The following LINGO2 variants were observed in gnomAD, a reference collection of about 807,000 sequenced individuals.
LINGO2 encodes leucine-rich repeat and immunoglobulin-like domain-containing nogo receptor-interacting protein 2.
In LINGO2, 14 loss-of-function variants were observed where a neutral mutation model predicts 30.6. That is an observed-to-expected ratio of 0.46 (90% CI 0.30 to 0.72). The LOEUF (loss-of-function observed/expected upper bound fraction) is 0.72. Ranked by LOEUF, LINGO2 falls within the 30% of genes least tolerant of loss-of-function variation. LINGO2 has a pLI of 0.07. For synonymous variants in LINGO2, 317 were observed against 288.5 expected, an observed-to-expected ratio of 1.10 and a Z score of -1.00; for missense variants, 729 against 751.7, an observed-to-expected ratio of 0.97 and a Z score of 0.35.
chr9:28,953,805 A>C, the LINGO2 span, among the ~76,000 whole-genome samples: 1 of 152,128 alleles, frequency 6.6e-6, no homozygotes, highest in East Asian at 1.9e-4. Context: ...ATCAGTTACA[A>C]TATAAAATCT....
At chr9:27,981,065 T>G (rs1820830453) in intron 5 of LINGO2, among the ~76,000 whole-genome samples, 1 of 151,830 alleles carries the variant, frequency 6.6e-6, no homozygotes, top group South Asian at 2.1e-4. Flanking sequence ...CTGATGAGTA[T>G]GTATTTGTAC....
the LINGO2 span, among the ~76,000 whole-genome samples, chr9:29,128,072 T>C: frequency 3.4e-3 from 512 of 152,136 alleles, 2 homozygotes; most frequent in African/African-American, 0.011. Flanking sequence ...TATCAAATTA[T>C]AAGGATGATA....
At chr9:28,019,175 T>C (rs1031006217) in intron 4 of LINGO2, among the ~76,000 whole-genome samples, 4 of 152,090 alleles carry the variant, frequency 2.6e-5, no homozygotes, top group East Asian at 1.9e-4. Context: ...TTGGGTACTA[T>C]GCTTTTACCT....
rs143586776 is a variant in LINGO2 at position 28,603,887 on chromosome 9, T to C, written c.-365+66313A>G. ...ATTTTTATTGAAGTATTGAATGTAA[T>C]TGAGACTCGTCTGCTTAGACTCACC... On this transcript the variant is annotated intron_variant, in intron 1 of 5. Coordinates refer to ENST00000379992, the Ensembl canonical transcript of LINGO2. 5.6e-3 allele frequency among the ~76,000 whole-genome samples: 852 copies of C among 152,154 alleles called. 10 individuals are homozygous for C. Among genetic ancestry groups the C allele is most frequent in the African/African-American group, 0.02 (822 of 41,550 alleles).
intron 2 of LINGO2, among the ~76,000 whole-genome samples, chr9:28,403,027 G>C (rs1234239542): frequency 6.6e-6 from 1 of 152,036 alleles, no homozygotes; most frequent in East Asian, 1.9e-4. Flanking sequence ...ACCCTATCTA[G>C]GGTTTTTGTG....
chr9:28,735,056 G>A, the LINGO2 span, among the ~76,000 whole-genome samples: 1 of 151,988 alleles, frequency 6.6e-6, no homozygotes. Context: ...TTGTACTTCT[G>A]ATTTTTTTAT....
chr9:27,999,316 G>C (rs1021960286), intron 5 of LINGO2, among the ~76,000 whole-genome samples: 3 of 152,138 alleles, frequency 2.0e-5, no homozygotes. Flanking sequence ...CTGGGTAAGA[G>C]ACTCAGGTGG....
the LINGO2 span, among the ~76,000 whole-genome samples, chr9:28,745,078 C>A: frequency 6.6e-6 from 1 of 151,982 alleles, no homozygotes; most frequent in Non-Finnish European, 1.5e-5. Flanking sequence ...TATCCTTGCC[C>A]ATGTTCAACC....
chr9:27,999,514 G>T (rs1205407762), intron 5 of LINGO2, among the ~76,000 whole-genome samples: 1 of 151,788 alleles, frequency 6.6e-6, no homozygotes, highest in Non-Finnish European at 1.5e-5. Flanking sequence ...CTTATGTAGG[G>T]AGTGTGATAG....
the LINGO2 span, among the ~76,000 whole-genome samples, chr9:28,892,648 A>C: frequency 2.7e-3 from 411 of 152,106 alleles, 2 homozygotes; most frequent in African/African-American, 9.3e-3. Context: ...AAATGATTAT[A>C]CCAACACAAA....
Position 28,627,310 on chromosome 9 carries a change from T to C in LINGO2, c.-365+42890A>G, listed in dbSNP as rs926529271. Among the ~76,000 whole-genome samples, 13 of 152,064 alleles carry C rather than the reference T, an allele frequency of 8.5e-5. No individual in the cohort carries two copies. The East Asian group carries it at 1.3e-3, about 16-fold the overall frequency. On this transcript the variant is annotated intron_variant, in intron 1 of 5. Coordinates refer to ENST00000379992, the Ensembl canonical transcript of LINGO2. ...GATTATGTACCTTACAGCTCTCCAA[T>C]AGACCTCCAATAGACAAATAATATT...
the LINGO2 span, among the ~76,000 whole-genome samples, chr9:28,867,779 T>G: frequency 6.6e-6 from 1 of 152,122 alleles, no homozygotes; most frequent in South Asian, 2.1e-4. Context: ...TAAAAGCTCA[T>G]GTTTTGTCTT....
intron 4 of LINGO2, among the ~76,000 whole-genome samples, chr9:28,149,746 G>A (rs1827936592): frequency 7.1e-6 from 1 of 140,386 alleles, no homozygotes; most frequent in African/African-American, 2.7e-5. Context: ...CTGCCCAGCT[G>A]CCCACCGTCT....
chr9:28,617,840 T>C (rs1455227665), intron 1 of LINGO2, among the ~76,000 whole-genome samples: 1 of 152,162 alleles, frequency 6.6e-6, no homozygotes, highest in Non-Finnish European at 1.5e-5. Flanking sequence ...AAGACTAAAA[T>C]TCTACTTATG....
the LINGO2 span, among the ~76,000 whole-genome samples, chr9:29,201,522 T>C: frequency 6.6e-6 from 1 of 152,042 alleles, no homozygotes; most frequent in South Asian, 2.1e-4. Context: ...ATAGTCAATT[T>C]GTATTGTTAT....
the LINGO2 span, among the ~76,000 whole-genome samples, chr9:29,118,440 G>C: frequency 6.6e-6 from 1 of 152,188 alleles, no homozygotes; most frequent in Admixed American, 6.5e-5. Flanking sequence ...GGTGGCAGAA[G>C]AGGAGGTCCC....
Position 28,148,995 on chromosome 9 carries a change from C to T in LINGO2, c.-86-136590G>A. The T allele has an allele frequency of 1.3e-6, 2 of 1,534,280 alleles. No homozygotes were observed. Among genetic ancestry groups the T allele is most frequent in the Middle Eastern group, 2.3e-4 (1 of 4,360 alleles). ...GGGCCACCGCTGCAGCTGCAACCGA[C>T]CCCTCCCCTGCAACTGAGGTGGGAT... On this transcript the variant is annotated intron_variant, in intron 4 of 5. Transcript: ENST00000379992. This position sits in a 1 kb window ranked among gnomAD's most constrained non-coding sequence, Gnocchi z 5.1.
chr9:28,397,076 A>T (rs574552417), intron 2 of LINGO2, among the ~76,000 whole-genome samples: 2 of 152,198 alleles, frequency 1.3e-5, no homozygotes, highest in African/African-American at 4.8e-5. Context: ...CATTCTTCTC[A>T]GGAATGTTTG....
At chr9:29,043,447 G>T in the LINGO2 span, among the ~76,000 whole-genome samples, 1 of 152,102 alleles carries the variant, frequency 6.6e-6, no homozygotes, top group South Asian at 2.1e-4. Flanking sequence ...AGCTGAGTCA[G>T]TCACTAAAAT....
Sources: allele counts gnomAD v4.1 joint callset (sites outside exome capture counted in the v4.1 genomes callset), GRCh38; gene constraint gnomAD v4.1.1; non-coding constraint Gnocchi (gnomAD v3.1); transcripts MANE v1.5; gene names NCBI Gene and HGNC (gene_info 2026-07-23, HGNC 2026-07-21).